Variants in MND1 observed in about 807,000 individuals in gnomAD.
The protein encoded by MND1 is meiotic nuclear divisions 1.
Under a neutral mutation model 35.1 loss-of-function variants are expected in MND1, and 28 were observed. The observed-to-expected ratio is 0.80, with a 90% CI of 0.59 to 1.09. The LOEUF (loss-of-function observed/expected upper bound fraction) is 1.09. MND1 is among the 50% of genes least tolerant of loss of function. The pLI, the probability that MND1 is intolerant of heterozygous loss-of-function variation, is 0.00. For synonymous variants in MND1, 69 were observed against 70.5 expected, an observed-to-expected ratio of 0.98 and a Z score of 0.11; for missense variants, 213 against 239.6, an observed-to-expected ratio of 0.89 and a Z score of 0.73.
intron 4 of MND1, among the ~76,000 whole-genome samples, chr4:153,386,948 C>T (rs1579935122): frequency 6.6e-6 from 1 of 152,190 alleles, no homozygotes; most frequent in South Asian, 2.1e-4. Flanking sequence ...AGGGATGGTG[C>T]AGAGGAGGTG....
At chr4:153,352,388 T>C (rs1773237444) in intron 2 of MND1, among the ~76,000 whole-genome samples, 1 of 152,174 alleles carries the variant, frequency 6.6e-6, no homozygotes, top group South Asian at 2.1e-4. Context: ...TATAGCTCAA[T>C]AACTGAAAGC....
chr4:153,367,805 A>G (rs894544178), intron 4 of MND1, among the ~76,000 whole-genome samples: 12 of 152,158 alleles, frequency 7.9e-5, no homozygotes, highest in African/African-American at 2.7e-4. Flanking sequence ...AGTTCTGATA[A>G]CAGTGTGTTA....
At chr4:153,360,989 C>T (rs1419221407) in intron 4 of MND1, among the ~76,000 whole-genome samples, 1 of 152,072 alleles carries the variant, frequency 6.6e-6, no homozygotes, top group East Asian at 1.9e-4. Context: ...ATAGGCACAC[C>T]ACCAAACTCT....
intron 1 of MND1, among the ~76,000 whole-genome samples, chr4:153,349,776 T>C (rs1773165665): frequency 6.6e-6 from 1 of 152,252 alleles, no homozygotes; most frequent in South Asian, 2.1e-4. Flanking sequence ...CTCTGAGAGA[T>C]TGTAAGCCTT....
chr4:153,346,558 T>C (rs1216814916), intron 1 of MND1, among the ~76,000 whole-genome samples: 3 of 152,206 alleles, frequency 2.0e-5, no homozygotes, highest in Non-Finnish European at 4.4e-5. Context: ...CTTTTTACAT[T>C]AGTTATTTTA....
chr4:153,383,655 A>G (rs1030998560), intron 4 of MND1, among the ~76,000 whole-genome samples: 2 of 152,176 alleles, frequency 1.3e-5, no homozygotes, highest in African/African-American at 4.8e-5. Context: ...TCCCTAGCAG[A>G]CTTCTGTTGT....
At chr4:153,366,889 G>A (rs2008698516) in intron 4 of MND1, among the ~76,000 whole-genome samples, 1 of 152,190 alleles carries the variant, frequency 6.6e-6, no homozygotes, top group Non-Finnish European at 1.5e-5. Context: ...GAGAGATTAA[G>A]AGCTTGTCCA....
At chr4:153,408,912 G>GTGTGTGTA (rs936713652) in intron 6 of MND1, 59 bp from the exon 7 acceptor site, 7 of 318,424 alleles carry the variant, frequency 2.2e-5, no homozygotes, top group African/African-American at 1.5e-4. Flanking sequence ...CATTTTGTGT[G>GTGTGTGTA]TATATATATA....
rs567681191 is a variant in MND1 at position 153,352,221 on chromosome 4, G to C, written c.69+2092G>C. ...AGATCTCTGGAATGGCCATGCTTATGCCCAGATAATTTAATATAAATATGT... is the reference window on the plus strand; with the variant it reads ...AGATCTCTGGAATGGCCATGCTTATCCCCAGATAATTTAATATAAATATGT... On this transcript the variant is annotated intron_variant, in intron 2 of 7. Transcript: ENST00000240488. 7.9e-5 allele frequency among the ~76,000 whole-genome samples: 12 copies of C among 152,096 alleles called. No individual in the cohort carries two copies. In the South Asian group the frequency reaches 2.5e-3, roughly 31 times the overall value.
At chr4:153,379,307 A>G (rs1190659175) in intron 4 of MND1, among the ~76,000 whole-genome samples, 1 of 148,244 alleles carries the variant, frequency 6.7e-6, no homozygotes, top group African/African-American at 2.5e-5. Context: ...AAAAAAAAGA[A>G]GAAGAAGAAG....
At chr4:153,404,077 C>T (rs1457347611) in intron 6 of MND1, among the ~76,000 whole-genome samples, 1 of 151,834 alleles carries the variant, frequency 6.6e-6, no homozygotes, top group East Asian at 1.9e-4. Flanking sequence ...GGAAACTGTT[C>T]CCGAGAAAGC....
At chr4:153,374,611 C>T (rs911865050) in intron 4 of MND1, among the ~76,000 whole-genome samples, 4 of 151,782 alleles carry the variant, frequency 2.6e-5, no homozygotes, top group African/African-American at 9.7e-5. Context: ...TTAATTACTT[C>T]CAGATGGGGG....
intron 7 of MND1, among the ~76,000 whole-genome samples, chr4:153,413,092 A>G (rs115258141): frequency 0.017 from 2,596 of 152,206 alleles, 51 homozygotes; most frequent in East Asian, 0.076. Flanking sequence ...GGCCCACCCC[A>G]ATGACCTCAT....
intron 4 of MND1, among the ~76,000 whole-genome samples, chr4:153,367,561 A>G (rs1331021277): frequency 6.6e-6 from 1 of 152,236 alleles, no homozygotes; most frequent in African/African-American, 2.4e-5. Flanking sequence ...TCACAAATAC[A>G]CCACATCTCA....
chr4:153,383,074 A>G (rs1430936198), intron 4 of MND1, among the ~76,000 whole-genome samples: 1 of 152,228 alleles, frequency 6.6e-6, no homozygotes, highest in African/African-American at 2.4e-5. Flanking sequence ...AGGTTCTTTC[A>G]GTTTTTATAA....
chr4:153,409,057 CT>C, intron 7 of MND1, 42 bp downstream of exon 7: 1 of 1,195,502 alleles, frequency 8.4e-7, no homozygotes, highest in Non-Finnish European at 1.1e-6. Context: ...GCTAAATTCC[CT>C]TCACACTTAC....
chr4:153,345,911 CT>C (rs1561051393), intron 1 of MND1, among the ~76,000 whole-genome samples: 1 of 152,220 alleles, frequency 6.6e-6, no homozygotes, highest in African/African-American at 2.4e-5. Flanking sequence ...CCTCGTATAA[CT>C]GACTTGGAGA....
intron 4 of MND1, 79 bp downstream of exon 4, chr4:153,358,701 G>C: frequency 7.1e-7 from 1 of 1,410,856 alleles, no homozygotes; most frequent in Non-Finnish European, 9.4e-7. Context: ...TTGTTTAGCA[G>C]TTTCTTTTGA....
chr4:153,356,802 ATTTG>A (rs1414159710), intron 3 of MND1, among the ~76,000 whole-genome samples: 3 of 150,678 alleles, frequency 2.0e-5, no homozygotes, highest in African/African-American at 7.3e-5. Flanking sequence ...TTATTTATTT[ATTTG>A]TTTATTTATT....
Sources: allele counts gnomAD v4.1 joint callset (sites outside exome capture counted in the v4.1 genomes callset), GRCh38; gene constraint gnomAD v4.1.1; transcripts MANE v1.5; gene names NCBI Gene and HGNC (gene_info 2026-07-23, HGNC 2026-07-21).